CNTNAP2: variants seen among roughly 807,000 people sequenced by gnomAD.
CNTNAP2 encodes the protein contactin associated protein 2.
In CNTNAP2, 98 loss-of-function variants were observed where a neutral mutation model predicts 155.2. That is an observed-to-expected ratio of 0.63 (90% CI 0.54 to 0.75). The LOEUF is 0.75. Ranked by LOEUF, CNTNAP2 falls within the 30% of genes least tolerant of loss-of-function variation. The pLI, the probability that CNTNAP2 is intolerant of heterozygous loss-of-function variation, is 0.00. For missense variants in CNTNAP2, 1,727 were observed against 1,688.1 expected, an observed-to-expected ratio of 1.02 and a Z score of -0.40; for synonymous variants, 651 against 631.2, an observed-to-expected ratio of 1.03 and a Z score of -0.47.
At chr7:147,325,392 T>G (rs1210703815) in intron 9 of CNTNAP2, among the ~76,000 whole-genome samples, 1 of 152,222 alleles carries the variant, frequency 6.6e-6, no homozygotes, top group Non-Finnish European at 1.5e-5. Flanking sequence ...CATTTAATGT[T>G]TTGGAATGCC....
chr7:146,808,615 C>G (rs1803009958), intron 2 of CNTNAP2, among the ~76,000 whole-genome samples: 1 of 152,138 alleles, frequency 6.6e-6, no homozygotes, highest in East Asian at 1.9e-4. Context: ...TTATCAAAAT[C>G]AAGTTAATAC....
Position 146,554,466 on chromosome 7 carries a change from T to A in CNTNAP2, c.98-219805T>A, listed in dbSNP as rs181646397. On this transcript the variant is annotated intron_variant, in intron 1 of 23. Transcript: ENST00000361727. ...ATTAAGAGAATTGTAATACTTTTTT[T>A]AAAAAATTATATGCTTAGCCATTTG... 3.7e-3 allele frequency among the ~76,000 whole-genome samples: 561 copies of A among 152,310 alleles called. 2 individuals carry two copies. Among genetic ancestry groups the A allele is most frequent in the African/African-American group, 3.6e-3 (149 of 41,576 alleles).
intron 1 of CNTNAP2, among the ~76,000 whole-genome samples, chr7:146,178,559 A>G (rs1798505434): frequency 6.6e-6 from 1 of 152,174 alleles, no homozygotes; most frequent in African/African-American, 2.4e-5. Flanking sequence ...CTATCTATAC[A>G]AGTAGTGACC....
At chr7:146,835,845 T>C (rs1442621330) in intron 2 of CNTNAP2, among the ~76,000 whole-genome samples, 1 of 152,162 alleles carries the variant, frequency 6.6e-6, no homozygotes, top group Non-Finnish European at 1.5e-5. Context: ...GCAGTTTCAA[T>C]GAAGTCTTTG....
intron 1 of CNTNAP2, among the ~76,000 whole-genome samples, chr7:146,183,965 G>A (rs1193987360): frequency 6.6e-6 from 1 of 152,086 alleles, no homozygotes; most frequent in Non-Finnish European, 1.5e-5. Flanking sequence ...CACAGCTATT[G>A]ATCTCTGCCC....
chr7:146,320,821 G>A (rs1015355831), intron 1 of CNTNAP2, among the ~76,000 whole-genome samples: 5 of 151,954 alleles, frequency 3.3e-5, no homozygotes, highest in Non-Finnish European at 5.9e-5. Flanking sequence ...GAAAATAAAA[G>A]TTATTTTCTA....
chr7:146,469,544 A>G (rs1796764012), intron 1 of CNTNAP2, among the ~76,000 whole-genome samples: 1 of 127,308 alleles, frequency 7.9e-6, no homozygotes, highest in South Asian at 2.5e-4. Context: ...TTTTTTTAAG[A>G]TGGAATCTTG....
At chr7:148,281,858 A>G (rs1476772547) in intron 21 of CNTNAP2, among the ~76,000 whole-genome samples, 1 of 96,466 alleles carries the variant, frequency 1.0e-5, no homozygotes. Context: ...TTTTTTTGAG[A>G]CGGAGTCTCA....
At chr7:146,633,832 GAAAA>G (rs60993956) in intron 1 of CNTNAP2, among the ~76,000 whole-genome samples, 2,376 of 78,946 alleles carry the variant, frequency 0.03, 24 homozygotes, top group Middle Eastern at 0.066. Context: ...TGCATCTAGA[GAAAA>G]AAAAAAAAAA....
intron 23 of CNTNAP2, among the ~76,000 whole-genome samples, chr7:148,410,312 G>A (rs1799805484): frequency 6.6e-6 from 1 of 152,030 alleles, no homozygotes; most frequent in African/African-American, 2.4e-5. Flanking sequence ...ACTTACGCCT[G>A]TAATCCCAGC....
rs1237758621 is a variant in CNTNAP2 at position 148,123,675 on chromosome 7, G to GGAAGGAAA, written c.2554+5394_2554+5395insAGAAGGAA. Among the ~76,000 whole-genome samples, 8 of 134,366 alleles carry GGAAGGAAA rather than the reference G, an allele frequency of 6.0e-5. 1 individual carries two copies. Among genetic ancestry groups the GGAAGGAAA allele is most frequent in the Admixed American group, 3.7e-4 (5 of 13,516 alleles). 88.1% of individuals were successfully genotyped at this position (134,366 alleles called of 152,430 possible). A position where few individuals can be genotyped will look rare whatever the true frequency, so the allele number is the denominator to read the frequency against. On this transcript the variant is annotated intron_variant, in intron 16 of 23. Transcript: ENST00000361727. ...AGGAAGGAAGGAAGGAAGGAAGGAA[G>GGAAGGAAA]GAAGGAAGGAAAAAGAAAGAGAAAG... is the stretch of plus-strand genomic sequence containing the variant.
At chr7:146,258,081 A>G (rs1799866566) in intron 1 of CNTNAP2, among the ~76,000 whole-genome samples, 1 of 152,026 alleles carries the variant, frequency 6.6e-6, no homozygotes, top group Non-Finnish European at 1.5e-5. Flanking sequence ...CAGTAGAGAC[A>G]GGGTTTCACT....
At chr7:146,182,353 T>C (rs922668270) in intron 1 of CNTNAP2, among the ~76,000 whole-genome samples, 2 of 152,120 alleles carry the variant, frequency 1.3e-5, no homozygotes, top group East Asian at 1.9e-4. Flanking sequence ...GCTATGCAAT[T>C]GGGAAGCTCA....
intron 1 of CNTNAP2, among the ~76,000 whole-genome samples, chr7:146,174,235 AC>A (rs1044721549): frequency 2.0e-5 from 3 of 151,808 alleles, no homozygotes; most frequent in African/African-American, 7.3e-5. Flanking sequence ...AAGAAAAAAA[AC>A]CCAACATAAC....
At chr7:146,131,080 C>G (rs1251674253) in intron 1 of CNTNAP2, among the ~76,000 whole-genome samples, 1 of 152,126 alleles carries the variant, frequency 6.6e-6, no homozygotes, top group African/African-American at 2.4e-5. Context: ...ATATTGTTTC[C>G]AATCTTTACA....
At chr7:146,846,470 G>T (rs567847026) in intron 3 of CNTNAP2, among the ~76,000 whole-genome samples, 1 of 152,122 alleles carries the variant, frequency 6.6e-6, no homozygotes, top group Admixed American at 6.5e-5. Flanking sequence ...AGATTTTTCT[G>T]TTTATACTCC....
intron 3 of CNTNAP2, among the ~76,000 whole-genome samples, chr7:146,946,619 TAC>T (rs1333335254): frequency 7.2e-5 from 11 of 152,168 alleles, no homozygotes; most frequent in African/African-American, 2.7e-4. Flanking sequence ...CAAAAGTAAT[TAC>T]AGTTTCAGTC....
intron 13 of CNTNAP2, among the ~76,000 whole-genome samples, chr7:147,687,105 G>A (rs1796026666): frequency 6.6e-6 from 1 of 152,070 alleles, no homozygotes; most frequent in South Asian, 2.1e-4. Flanking sequence ...TTATATACAT[G>A]TATCAAATTA....
At chr7:147,784,362 G>A (rs1458380691) in intron 13 of CNTNAP2, among the ~76,000 whole-genome samples, 1 of 108,982 alleles carries the variant, frequency 9.2e-6, no homozygotes, top group African/African-American at 3.4e-5. Flanking sequence ...TATCTTCATA[G>A]CCCTCTACAA....
Sources: gnomAD v4.1 joint callset for allele counts (sites outside exome capture counted in the v4.1 genomes callset) on GRCh38, gnomAD v4.1.1 for gene constraint, MANE v1.5 for transcripts, NCBI Gene and HGNC (gene_info 2026-07-23, HGNC 2026-07-21) for gene names.